LRRC37A2: variants seen among roughly 807,000 people sequenced by gnomAD.
The protein encoded by LRRC37A2 is leucine rich repeat containing 37 member A2.
Under a neutral mutation model 68.8 loss-of-function variants are expected in LRRC37A2, and 9 were observed. The observed-to-expected ratio is 0.13, with a 90% CI of 0.08 to 0.23. LRRC37A2 has a LOEUF of 0.23. LRRC37A2 is among the 10% of genes least tolerant of loss of function. LRRC37A2 has a pLI of 1.00. For synonymous variants in LRRC37A2, 63 were observed against 367.6 expected (o/e 0.17, Z 9.48); for missense variants, 168 against 950.4 (o/e 0.18, Z 10.82).
At chr17:46,715,744 A>G in the LRRC37A2 span, among the ~76,000 whole-genome samples, 4 of 152,226 alleles carry the variant, frequency 2.6e-5, no homozygotes, top group African/African-American at 9.6e-5. Flanking sequence ...TGCTGATTTT[A>G]GAGGCTTAAA....
At chr17:46,812,587 G>A in the LRRC37A2 span, among the ~76,000 whole-genome samples, 27 of 152,110 alleles carry the variant, frequency 1.8e-4, no homozygotes, top group Admixed American at 3.3e-4. Flanking sequence ...ATGATTAGGG[G>A]ACACTCCAGC....
the LRRC37A2 span, chr17:47,018,416 C>G: frequency 6.3e-7 from 1 of 1,594,942 alleles, no homozygotes; most frequent in Non-Finnish European, 8.6e-7. Flanking sequence ...TAGATTCACC[C>G]AGTGTCTCTG....
chr17:46,676,443 G>T, the LRRC37A2 span, among the ~76,000 whole-genome samples: 1 of 137,660 alleles, frequency 7.3e-6, no homozygotes, highest in African/African-American at 2.9e-5. Flanking sequence ...TGTTGGTCAG[G>T]CTGGTCTCGA....
the LRRC37A2 span, among the ~76,000 whole-genome samples, chr17:46,797,714 T>C: frequency 2.5e-3 from 380 of 152,186 alleles, 1 homozygote; most frequent in Non-Finnish European, 4.7e-3. Flanking sequence ...GGAGACAAAA[T>C]AGATAAACTG....
At chr17:46,877,424 A>C in the LRRC37A2 span, among the ~76,000 whole-genome samples, 8 of 152,196 alleles carry the variant, frequency 5.3e-5, no homozygotes, top group Admixed American at 3.9e-4. Flanking sequence ...TTGTCTCGAG[A>C]GCTGGGTTAT....
the LRRC37A2 span, among the ~76,000 whole-genome samples, chr17:46,418,193 TTG>T: frequency 2.3e-4 from 13 of 57,134 alleles, 3 homozygotes; most frequent in African/African-American, 4.9e-4. Context: ...GGAAAATAAA[TTG>T]TGTGTGTGTG....
the LRRC37A2 span, among the ~76,000 whole-genome samples, chr17:46,870,904 CTTTTTTT>C: frequency 5.4e-4 from 42 of 78,388 alleles, no homozygotes; most frequent in Admixed American, 4.2e-3. Flanking sequence ...TCCACCTTTG[CTTTTTTT>C]TTTTTTTTTT....
the LRRC37A2 span, among the ~76,000 whole-genome samples, chr17:46,921,489 A>C: frequency 2.6e-5 from 4 of 152,230 alleles, no homozygotes; most frequent in East Asian, 5.8e-4. Flanking sequence ...AATGGGATCT[A>C]ATTAAACTAA....
At chr17:46,458,531 CTTTT>C in the LRRC37A2 span, among the ~76,000 whole-genome samples, 1 of 39,914 alleles carries the variant, frequency 2.5e-5, no homozygotes, top group East Asian at 4.5e-4. Flanking sequence ...TCTTCTTCTT[CTTTT>C]TTTTTTTTTT....
chr17:46,767,923 G>A, the LRRC37A2 span, among the ~76,000 whole-genome samples: 2 of 152,036 alleles, frequency 1.3e-5, no homozygotes, highest in African/African-American at 4.8e-5. Context: ...CAAGCAGCTG[G>A]GATTACAGGC....
At chr17:46,806,207 C>CTTTTTTTTTTT in the LRRC37A2 span, among the ~76,000 whole-genome samples, 1 of 75,658 alleles carries the variant, frequency 1.3e-5, no homozygotes, top group Non-Finnish European at 2.5e-5. Context: ...TTTTCTTTTC[C>CTTTTTTTTTTT]TTTTTTTTTT....
At chr17:46,807,840 T>G in the LRRC37A2 span, among the ~76,000 whole-genome samples, 1 of 152,244 alleles carries the variant, frequency 6.6e-6, no homozygotes. Flanking sequence ...GGTGGACCTC[T>G]GAGTTTTCTC....
At chr17:47,025,606 C>G in the LRRC37A2 span, among the ~76,000 whole-genome samples, 5 of 150,944 alleles carry the variant, frequency 3.3e-5, no homozygotes, top group African/African-American at 1.2e-4. Flanking sequence ...CGCCCCAGCC[C>G]TGTTACCAAG....
chr17:46,941,079 A>G, the LRRC37A2 span: 13 of 1,068,840 alleles, frequency 1.2e-5, no homozygotes, highest in East Asian at 1.4e-4. Flanking sequence ...GACCTTGTAC[A>G]TGAGTTTGGT....
At chr17:46,934,166 C>G in the LRRC37A2 span, among the ~76,000 whole-genome samples, 9 of 143,354 alleles carry the variant, frequency 6.3e-5, no homozygotes, top group Non-Finnish European at 1.2e-4. Context: ...CCCAGCTCCA[C>G]TGGACTTCCA....
At chr17:46,902,604 C>T in the LRRC37A2 span, among the ~76,000 whole-genome samples, 1 of 151,892 alleles carries the variant, frequency 6.6e-6, no homozygotes, top group Non-Finnish European at 1.5e-5. Context: ...GGGGGAAAAA[C>T]AAACAGGCAG....
the LRRC37A2 span, chr17:47,024,677 C>T: frequency 2.3e-6 from 2 of 861,556 alleles, no homozygotes; most frequent in South Asian, 1.3e-5. Flanking sequence ...CTTCATTTTC[C>T]AGAATTCTCA....
At chr17:46,787,896 C>A in the LRRC37A2 span, among the ~76,000 whole-genome samples, 1 of 150,204 alleles carries the variant, frequency 6.7e-6, no homozygotes, top group African/African-American at 2.5e-5. Context: ...GCAGAGGTTT[C>A]AGTGAGCCGA....
At chr17:46,954,263 GT>G in the LRRC37A2 span, among the ~76,000 whole-genome samples, 1 of 152,216 alleles carries the variant, frequency 6.6e-6, no homozygotes, top group Non-Finnish European at 1.5e-5. Flanking sequence ...TGGCTAGCCA[GT>G]TTTCTCAGCA....
Sources: gnomAD v4.1 joint callset for allele counts (sites outside exome capture counted in the v4.1 genomes callset) on GRCh38, gnomAD v4.1.1 for gene constraint, MANE v1.5 for transcripts, NCBI Gene and HGNC (gene_info 2026-07-23, HGNC 2026-07-21) for gene names.